The following PMEPA1 variants were observed in gnomAD, a reference collection of about 807,000 sequenced individuals.
PMEPA1 encodes the protein protein TMEPAI.
Under a neutral mutation model 23.0 loss-of-function variants are expected in PMEPA1, and 11 were observed. That is an observed-to-expected ratio of 0.48 (90% CI 0.30 to 0.79). PMEPA1 has a LOEUF of 0.79. Among genes scored for constraint, PMEPA1 ranks in the 30% least tolerant of loss-of-function variants. The pLI, the probability that PMEPA1 is intolerant of heterozygous loss-of-function variation, is 0.06. For synonymous variants in PMEPA1, 204 were observed against 166.4 expected, an observed-to-expected ratio of 1.23 and a Z score of -1.74; for missense variants, 377 against 390.9, an observed-to-expected ratio of 0.96 and a Z score of 0.30.
chr20:57,658,817 G>A (rs2071364382), intron 2 of PMEPA1, among the ~76,000 whole-genome samples: 1 of 152,140 alleles, frequency 6.6e-6, no homozygotes, highest in Admixed American at 6.5e-5. Flanking sequence ...ACGAGGGCAG[G>A]GCCGCCACCT....
chr20:57,681,524 A>G (rs157097), intron 1 of PMEPA1, among the ~76,000 whole-genome samples: 68,371 of 151,298 alleles, frequency 0.45, 15,417 homozygotes, highest in African/African-American at 0.49. Context: ...TCCCAGCATC[A>G]AGAAGGGAAC....
At chr20:57,688,385 G>A (rs923770719) in intron 1 of PMEPA1, among the ~76,000 whole-genome samples, 2 of 151,910 alleles carry the variant, frequency 1.3e-5, no homozygotes, top group Non-Finnish European at 2.9e-5. Context: ...AGGCTGTTGA[G>A]TTGCATCCCT....
rs926637985 is a variant in PMEPA1, at chr20:57,655,101, G to A, written c.265-2015C>T. ...TAACGGGTTTTCCTATCTGTATAGC[G>A]GGCTGATGACAGCGCCTGCAATGCA... On this transcript the variant is annotated intron_variant, in intron 2 of 3. Coordinates refer to ENST00000341744, the MANE Select transcript of PMEPA1 (RefSeq NM_020182.5). This position sits in a 1 kb window ranked among gnomAD's most constrained non-coding sequence, Gnocchi z 4.2. Among the ~76,000 whole-genome samples the A allele has an allele frequency of 6.6e-6, 1 of 152,160 alleles. No homozygotes were observed. Among genetic ancestry groups the A allele is most frequent in the African/African-American group, 2.4e-5 (1 of 41,416 alleles).
At position 57,669,861 on chromosome 20, in the gene PMEPA1, T is replaced by C. The variant is rs562256595; in HGVS notation, c.110-10164A>G. 2.7e-5 allele frequency among the ~76,000 whole-genome samples: 4 copies of C among 149,772 alleles called. No individual in the cohort carries two copies. The East Asian group carries it at 5.8e-4, about 22-fold the overall frequency. Reference sequence around the variant, plus strand: ...GCATTTTGGAGCACATATAATTATATTTATAGTAAAAGAGGGAAAAAAAAA... The same window carrying C: ...GCATTTTGGAGCACATATAATTATACTTATAGTAAAAGAGGGAAAAAAAAA... On this transcript the variant is annotated intron_variant, in intron 1 of 3. Transcript: ENST00000341744.
At chr20:57,705,644 A>G (rs960817386) in intron 1 of PMEPA1, among the ~76,000 whole-genome samples, 4 of 152,230 alleles carry the variant, frequency 2.6e-5, no homozygotes, top group African/African-American at 9.6e-5. Context: ...GAGTGGCCAC[A>G]GGCCTTCACA....
intron 1 of PMEPA1, among the ~76,000 whole-genome samples, chr20:57,709,194 C>T (rs2146721639): frequency 6.6e-6 from 1 of 151,438 alleles, no homozygotes; most frequent in South Asian, 2.1e-4. Context: ...CCAACCCTCC[C>T]GCGCCGTGCG....
chr20:57,675,239 C>G (rs548264563), intron 1 of PMEPA1, among the ~76,000 whole-genome samples: 130 of 151,902 alleles, frequency 8.6e-4, no homozygotes, highest in African/African-American at 3.0e-3. Flanking sequence ...ACACAGAGCC[C>G]GGTGCTGTGA....
At chr20:57,670,602 A>G (rs2042958812) in intron 1 of PMEPA1, among the ~76,000 whole-genome samples, 2 of 151,846 alleles carry the variant, frequency 1.3e-5, no homozygotes, top group South Asian at 4.2e-4. Context: ...AGGCTCCCAC[A>G]CTAACTCCCA....
intron 1 of PMEPA1, among the ~76,000 whole-genome samples, chr20:57,677,079 G>C (rs1278973175): frequency 2.6e-5 from 4 of 152,220 alleles, no homozygotes; most frequent in Admixed American, 6.5e-5. Context: ...TGCACATGCA[G>C]TTTTGTCTGT....
rs1461813023 is a variant in PMEPA1 at position 57,709,959 on chromosome 20, C to G, written c.-377G>C. Reference sequence around the variant, plus strand: ...GCCGCCTCCTCCTCCTCATTCAAGTCCAAGGAGATCGGGTTTCGCTCCGAG... The same window carrying G: ...GCCGCCTCCTCCTCCTCATTCAAGTGCAAGGAGATCGGGTTTCGCTCCGAG... On this transcript the variant is annotated 5_prime_UTR_variant, in exon 1 of 4. Coordinates refer to ENST00000341744, the MANE Select transcript of PMEPA1 (RefSeq NM_020182.5). The G allele has an allele frequency of 7.0e-6, 7 of 1,002,306 alleles. No individual in the cohort carries two copies. The highest frequency in any genetic ancestry group is 8.3e-6 in the Non-Finnish European group (7 of 843,200). 62.1% of individuals were successfully genotyped at this position (1,002,306 alleles called of 1,614,324 possible).
At position 57,704,478 on chromosome 20, in the gene PMEPA1, C is replaced by T. The variant is rs78043701; in HGVS notation, c.109+4996G>A. ...TAAAAAGCAAAAAATGGGCCCTCGGCTTCAATCTCCTTCTCTCAGCATGTG... is the reference window on the plus strand; with the variant it reads ...TAAAAAGCAAAAAATGGGCCCTCGGTTTCAATCTCCTTCTCTCAGCATGTG... On this transcript the variant is annotated intron_variant, in intron 1 of 3. Transcript: ENST00000341744. This position sits in a 1 kb window ranked among gnomAD's most constrained non-coding sequence, Gnocchi z 4.6. Among the ~76,000 whole-genome samples the T allele has an allele frequency of 4.7e-3, 718 of 152,322 alleles. 6 individuals are homozygous for T. Among genetic ancestry groups the T allele is most frequent in the African/African-American group, 0.017 (687 of 41,574 alleles).
chr20:57,703,496 C>T (rs928105608), intron 1 of PMEPA1, among the ~76,000 whole-genome samples: 3 of 152,182 alleles, frequency 2.0e-5, no homozygotes, highest in African/African-American at 4.8e-5. Context: ...AGCCTCTGTC[C>T]ACCAAGCCTG....
chr20:57,667,207 A>C (rs2071505677), intron 1 of PMEPA1, among the ~76,000 whole-genome samples: 1 of 151,992 alleles, frequency 6.6e-6, no homozygotes. Context: ...AGGCAAAGAC[A>C]CTATTCTTTC....
rs534340816 is a variant in PMEPA1 at position 57,691,315 on chromosome 20, G to A, written c.109+18159C>T. ...CCCTCCCATTAACATGGCATGAGGG[G>A]AGCCTCCTTCTCCCCAACTCTTCCG... On this transcript the variant is annotated intron_variant, in intron 1 of 3. Coordinates refer to ENST00000341744, the MANE Select transcript of PMEPA1 (RefSeq NM_020182.5). Among the ~76,000 whole-genome samples the A allele has an allele frequency of 3.3e-5, 5 of 152,296 alleles. No homozygotes were observed. The South Asian group carries it at 1.0e-3, about 32-fold the overall frequency.
At chr20:57,691,945 C>G (rs1350570527) in intron 1 of PMEPA1, 1 of 152,354 alleles carries the variant, frequency 6.6e-6, no homozygotes, top group Non-Finnish European at 1.5e-5. Flanking sequence ...GGGCAGAACT[C>G]CTACTCACAC....
At position 57,704,403 on chromosome 20, in the gene PMEPA1, G is replaced by A. The variant is rs1243497629; in HGVS notation, c.109+5071C>T. On this transcript the variant is annotated intron_variant, in intron 1 of 3. Transcript: ENST00000341744. This position sits in a 1 kb window ranked among gnomAD's most constrained non-coding sequence, Gnocchi z 4.6. Reference sequence around the variant, plus strand: ...TGCATGAAGAGTAGGTCCGTCTCCCGCACAGCTCCCGCACGTGCCCCAACC... The same window carrying A: ...TGCATGAAGAGTAGGTCCGTCTCCCACACAGCTCCCGCACGTGCCCCAACC... 6.6e-6 allele frequency among the ~76,000 whole-genome samples: 1 copy of A among 152,112 alleles called. No homozygotes were observed. The highest frequency in any genetic ancestry group is 1.5e-5 in the Non-Finnish European group (1 of 68,008).
Position 57,651,854 on chromosome 20 carries a change from C to CA in PMEPA1, c.*198_*199insT, listed in dbSNP as rs2071235059. 7.6e-6 allele frequency: 2 copies of CA among 264,036 alleles called. No individual in the cohort carries two copies. Among genetic ancestry groups the CA allele is most frequent in the East Asian group, 6.3e-5 (1 of 15,822 alleles). The allele number at this position is 264,036 out of a possible 1,614,324, so 16.4% of individuals were successfully genotyped here. ...AACGTGGTTTTTTTTTTTCTTTTTT[C>CA]TTTTTTTTTTTGCAAGCTCTCTTAG... On this transcript the variant is annotated 3_prime_UTR_variant, in exon 4 of 4. Transcript: ENST00000341744.
At chr20:57,689,323 G>A (rs1283150139) in intron 1 of PMEPA1, among the ~76,000 whole-genome samples, 3 of 152,172 alleles carry the variant, frequency 2.0e-5, no homozygotes, top group African/African-American at 7.2e-5. Flanking sequence ...AACAAAGGGA[G>A]CATGAGTGTC....
intron 2 of PMEPA1, among the ~76,000 whole-genome samples, chr20:57,654,425 G>A (rs1289396932): frequency 1.3e-5 from 2 of 152,018 alleles, no homozygotes; most frequent in South Asian, 2.1e-4. Flanking sequence ...GGGTAGGAAC[G>A]GCCAGAGGGT....
Sources: allele counts gnomAD v4.1 joint callset (sites outside exome capture counted in the v4.1 genomes callset), GRCh38; gene constraint gnomAD v4.1.1; non-coding constraint Gnocchi (gnomAD v3.1); transcripts MANE v1.5; gene names NCBI Gene and HGNC (gene_info 2026-07-23, HGNC 2026-07-21).